Variants in BRI3BP observed in about 807,000 individuals in gnomAD.
BRI3BP encodes BRI3-binding protein.
Under a neutral mutation model 15.8 loss-of-function variants are expected in BRI3BP, and 7 were observed. The ratio of observed to expected loss-of-function variants is 0.44; its 90% CI spans 0.25 to 0.83. BRI3BP has a LOEUF of 0.83. Ranked by LOEUF, BRI3BP falls within the 40% of genes least tolerant of loss-of-function variation. BRI3BP has a pLI of 0.20. For synonymous variants in BRI3BP, 192 were observed against 163.5 expected (o/e 1.17, Z -1.33); for missense variants, 320 against 339.3 (o/e 0.94, Z 0.45).
At chr12:125,019,660 C>CTTTTTTTTTTTTTTTT (rs1955278838) in intron 2 of BRI3BP, among the ~76,000 whole-genome samples, 542 of 24,554 alleles carry the variant, frequency 0.022, 51 homozygotes, top group East Asian at 0.051. Flanking sequence ...TTTTTTTTGC[C>CTTTTTTTTTTTTTTTT]TTTTTTGCTG....
chr12:125,033,879 A>T (rs1189478210), downstream of BRI3BP, among the ~76,000 whole-genome samples: 2 of 152,036 alleles, frequency 1.3e-5, no homozygotes, highest in Non-Finnish European at 2.9e-5. Flanking sequence ...AGTAGTTGAG[A>T]TTACAGGCGC....
At chr12:125,007,589 G>A (rs1038517206) in intron 1 of BRI3BP, among the ~76,000 whole-genome samples, 1 of 151,790 alleles carries the variant, frequency 6.6e-6, no homozygotes, top group East Asian at 1.9e-4. Context: ...GCATGTAGCA[G>A]CTGCCTGTGG....
the BRI3BP span, among the ~76,000 whole-genome samples, chr12:125,046,310 T>C: frequency 6.6e-6 from 1 of 152,178 alleles, no homozygotes; most frequent in Non-Finnish European, 1.5e-5. Flanking sequence ...TCCCAGCACT[T>C]TGGGAGGCCT....
the BRI3BP span, among the ~76,000 whole-genome samples, chr12:125,041,982 C>T: frequency 2.6e-4 from 40 of 152,328 alleles, no homozygotes; most frequent in Non-Finnish European, 1.5e-5. Context: ...GCGTGAGCCA[C>T]CACATCCGGC....
At chr12:125,002,891 A>G (rs576831277) in intron 1 of BRI3BP, among the ~76,000 whole-genome samples, 1 of 152,164 alleles carries the variant, frequency 6.6e-6, no homozygotes, top group East Asian at 1.9e-4. Context: ...GCAGTACCAT[A>G]TCGGGGCTCG....
intron 2 of BRI3BP, among the ~76,000 whole-genome samples, chr12:125,021,396 G>A (rs1039691928): frequency 6.6e-6 from 1 of 152,144 alleles, no homozygotes; most frequent in African/African-American, 2.4e-5. Flanking sequence ...ACTCCAGATC[G>A]TTGTGTCACA....
At chr12:125,001,821 C>T (rs1010232819) in intron 1 of BRI3BP, among the ~76,000 whole-genome samples, 1 of 151,918 alleles carries the variant, frequency 6.6e-6, no homozygotes, top group African/African-American at 2.4e-5. Flanking sequence ...GTACAGCTGT[C>T]ACTACAGTCA....
downstream of BRI3BP, chr12:125,031,321 A>G (rs1045341172): frequency 6.6e-6 from 1 of 152,140 alleles, no homozygotes; most frequent in African/African-American, 2.4e-5. Flanking sequence ...CCTTGAATTT[A>G]TGTATTCAGT....
intron 1 of BRI3BP, among the ~76,000 whole-genome samples, chr12:124,999,394 T>A (rs1594526110): frequency 6.6e-6 from 1 of 152,122 alleles, no homozygotes; most frequent in South Asian, 2.1e-4. Flanking sequence ...GGTTTTTGTT[T>A]ATTTTGCACT....
In BRI3BP at chr12:125,031,209, A is replaced by G. The variant is rs894115472; in HGVS notation, c.*5779A>G. 4.6e-5 allele frequency: 7 copies of G among 152,210 alleles called. No individual in the cohort carries two copies. The highest frequency in any genetic ancestry group is 1.7e-4 in the African/African-American group (7 of 41,452). The allele number at this position is 152,210 out of a possible 1,614,324, so 9.4% of individuals were successfully genotyped here. A position where few individuals can be genotyped will look rare whatever the true frequency, so the allele number is the denominator to read the frequency against. Reference sequence around the variant, plus strand: ...ATTTTGTTGTATGGACTTTTAAAATATATCTCATCACTTCTAACCAAACAT... The same window carrying G: ...ATTTTGTTGTATGGACTTTTAAAATGTATCTCATCACTTCTAACCAAACAT... On this transcript the variant is annotated 3_prime_UTR_variant, in exon 3 of 3. Coordinates refer to ENST00000341446, the MANE Select transcript of BRI3BP (RefSeq NM_080626.6).
chr12:124,997,468 G>C (rs557630741), intron 1 of BRI3BP, among the ~76,000 whole-genome samples: 1 of 150,904 alleles, frequency 6.6e-6, no homozygotes, highest in Non-Finnish European at 1.5e-5. Flanking sequence ...TGCCTGCCTC[G>C]GCCTCCCAAA....
At chr12:125,041,692 G>A in the BRI3BP span, among the ~76,000 whole-genome samples, 1 of 152,172 alleles carries the variant, frequency 6.6e-6, no homozygotes. Flanking sequence ...GACTACATGA[G>A]CAAATAAGTA....
the BRI3BP span, among the ~76,000 whole-genome samples, chr12:125,042,500 G>A: frequency 2.0e-5 from 3 of 150,714 alleles, no homozygotes; most frequent in Non-Finnish European, 4.4e-5. Flanking sequence ...TTTTGAAATG[G>A]GATTTTGCTG....
chr12:125,034,190 G>A (rs1304919583), downstream of BRI3BP, among the ~76,000 whole-genome samples: 6 of 151,954 alleles, frequency 3.9e-5, no homozygotes, highest in Non-Finnish European at 5.9e-5. Context: ...GGGATTTCAG[G>A]CATGTGCCAC....
the BRI3BP span, among the ~76,000 whole-genome samples, chr12:125,048,924 A>C: frequency 1.3e-5 from 2 of 152,024 alleles, no homozygotes; most frequent in Non-Finnish European, 2.9e-5. Context: ...ACCGGCCACA[A>C]GGTATATGCA....
chr12:125,048,824 A>G, the BRI3BP span, among the ~76,000 whole-genome samples: 2 of 151,918 alleles, frequency 1.3e-5, no homozygotes, highest in African/African-American at 4.8e-5. Flanking sequence ...CCGTTCTAGG[A>G]GCCTGCGTTT....
At chr12:125,010,669 G>T (rs952101505) in intron 1 of BRI3BP, among the ~76,000 whole-genome samples, 2 of 152,126 alleles carry the variant, frequency 1.3e-5, no homozygotes, top group Non-Finnish European at 2.9e-5. Flanking sequence ...GCAGCTACTC[G>T]AGAGGCTGAG....
chr12:125,017,986 CTG>C (rs1955261937), intron 2 of BRI3BP, among the ~76,000 whole-genome samples: 1 of 152,120 alleles, frequency 6.6e-6, no homozygotes, highest in African/African-American at 2.4e-5. Flanking sequence ...GACTGGATGA[CTG>C]TGTGTGTAGG....
intron 1 of BRI3BP, among the ~76,000 whole-genome samples, chr12:125,007,834 A>G (rs771943991): frequency 1.3e-5 from 2 of 152,072 alleles, no homozygotes; most frequent in Non-Finnish European, 2.9e-5. Flanking sequence ...TTGCTGTGGA[A>G]TTGGACTCCA....
Sources: gnomAD v4.1 joint callset for allele counts (sites outside exome capture counted in the v4.1 genomes callset) on GRCh38, gnomAD v4.1.1 for gene constraint, MANE v1.5 for transcripts, NCBI Gene and HGNC (gene_info 2026-07-23, HGNC 2026-07-21) for gene names.